The following KIF13A variants were observed in gnomAD, a reference collection of about 807,000 sequenced individuals.
The protein encoded by KIF13A is kinesin family member 13A, also known as kinesin-like protein KIF13A.
Under a neutral mutation model 212.2 loss-of-function variants are expected in KIF13A, and 79 were observed. That is an observed-to-expected ratio of 0.37 (90% confidence interval 0.31 to 0.45). The LOEUF (loss-of-function observed/expected upper bound fraction) is 0.45, where lower values mean the gene tolerates loss of function less well. KIF13A is among the 20% of genes least tolerant of loss of function. KIF13A has a pLI of 1.00. For synonymous variants in KIF13A, 789 were observed against 808.6 expected (o/e 0.98, Z 0.41); for missense variants, 1,901 against 2,209.0 (o/e 0.86, Z 2.79).
At chr6:17,797,968 A>C (rs1762186819) in intron 22 of KIF13A, among the ~76,000 whole-genome samples, 1 of 152,184 alleles carries the variant, frequency 6.6e-6, no homozygotes, top group Non-Finnish European at 1.5e-5. Flanking sequence ...ATGGGTGGCA[A>C]ATCACCCAGA....
chr6:17,760,206 G>A (rs1338695197), downstream of KIF13A: 1 of 152,044 alleles, frequency 6.6e-6, no homozygotes, highest in African/African-American at 2.4e-5. Flanking sequence ...GTTGTCTTAT[G>A]TAAGTTCTTT....
chr6:17,933,124 T>C (rs1000045298), intron 2 of KIF13A, among the ~76,000 whole-genome samples: 3 of 152,162 alleles, frequency 2.0e-5, no homozygotes, highest in Non-Finnish European at 2.9e-5. Flanking sequence ...TTCTCTTCTA[T>C]TAATAATGAA....
Position 17,771,747 on chromosome 6 carries a change from T to C in KIF13A, c.4476+161A>G, listed in dbSNP as rs576342606. On this transcript the variant is annotated intron_variant, in intron 37 of 38. Coordinates refer to ENST00000259711, the MANE Select transcript of KIF13A (RefSeq NM_022113.6). The surrounding 1 kb of genome is among the most constrained non-coding windows in gnomAD (Gnocchi z 5.4). Reference sequence around the variant, plus strand: ...CAACAACAAACAAGAGATTCTACCATGACTCTGCATGCTTGAGAAAGAGGA... The same window carrying C: ...CAACAACAAACAAGAGATTCTACCACGACTCTGCATGCTTGAGAAAGAGGA... 3.1e-5 allele frequency: 19 copies of C among 617,978 alleles called. No individual in the cohort carries two copies. The highest frequency in any genetic ancestry group is 5.2e-5 in the Non-Finnish European group (18 of 348,716). The allele number at this position is 617,978 out of a possible 1,614,324, so 38.3% of individuals were successfully genotyped here.
At chr6:17,858,246 T>C (rs900948374) in intron 4 of KIF13A, among the ~76,000 whole-genome samples, 1 of 152,146 alleles carries the variant, frequency 6.6e-6, no homozygotes, top group African/African-American at 2.4e-5. Flanking sequence ...CCATCTAGCA[T>C]AGATGTTTGG....
At position 17,777,485 on chromosome 6, in the gene KIF13A, G is replaced by C. The variant is rs1760104835; in HGVS notation, c.4093-131C>G. ...TGCAACCTCTGCCTCCTGGGTTCAA[G>C]CAATTCTGCCTCAGTCTCCTGAGTA... On this transcript the variant is annotated intron_variant, in intron 33 of 38. Transcript: ENST00000259711. This position sits in a 1 kb window ranked among gnomAD's most constrained non-coding sequence, Gnocchi z 4.4. 2.7e-6 allele frequency: 2 copies of C among 727,804 alleles called. No individual in the cohort carries two copies. The highest frequency in any genetic ancestry group is 2.8e-5 in the East Asian group (1 of 35,224). The allele number at this position is 727,804 out of a possible 1,614,324, so 45.1% of individuals were successfully genotyped here.
intron 2 of KIF13A, among the ~76,000 whole-genome samples, chr6:17,946,914 A>G (rs1201196919): frequency 1.3e-5 from 2 of 152,248 alleles, no homozygotes; most frequent in Non-Finnish European, 2.9e-5. Flanking sequence ...TCAAGAACAA[A>G]GTTGACTGTG....
chr6:17,843,401 G>A lies in KIF13A; in HGVS notation c.831-5818C>T, dbSNP rs1202300574. Among the ~76,000 whole-genome samples, 1 of 152,210 alleles carries A rather than the reference G, an allele frequency of 6.6e-6. No homozygotes were observed. Among genetic ancestry groups the A allele is most frequent in the Non-Finnish European group, 1.5e-5 (1 of 68,034 alleles). ...CGGGTAGCCATTAAACACAGTTCTG[G>A]CCAAGGAGATGTAGGTAAACATTAC... On this transcript the variant is annotated intron_variant, in intron 9 of 38. Coordinates refer to ENST00000259711, the MANE Select transcript of KIF13A (RefSeq NM_022113.6). The surrounding 1 kb of genome is among the most constrained non-coding windows in gnomAD (Gnocchi z 5.3).
At position 17,942,202 on chromosome 6, in the gene KIF13A, T is replaced by C. The variant is rs34714377; in HGVS notation, c.147-44022A>G. Among the ~76,000 whole-genome samples the C allele has an allele frequency of 2.4e-3, 369 of 152,020 alleles. 1 individual carries two copies. Among genetic ancestry groups the C allele is most frequent in the Admixed American group, 4.3e-3 (65 of 15,254 alleles). The stretch of plus-strand genomic sequence containing the variant: ...CTATAGTCCCAGCTACTCGGGAGGC[T>C]GAGGTAGGAGGATTACTTGAGCCCA... On this transcript the variant is annotated intron_variant, in intron 2 of 38. Coordinates refer to ENST00000259711, the MANE Select transcript of KIF13A (RefSeq NM_022113.6).
intron 2 of KIF13A, among the ~76,000 whole-genome samples, chr6:17,924,980 T>A (rs565163812): frequency 6.6e-6 from 1 of 152,304 alleles, no homozygotes; most frequent in African/African-American, 2.4e-5. Context: ...CAGATGGATA[T>A]AGTCCTAAGA....
At chr6:17,847,389 G>T (rs1054164365) in intron 9 of KIF13A, among the ~76,000 whole-genome samples, 1 of 152,198 alleles carries the variant, frequency 6.6e-6, no homozygotes, top group Non-Finnish European at 1.5e-5. Context: ...ATCAGAGCAG[G>T]AGACAGAATG....
chr6:17,790,066 G>T (rs975882950), intron 25 of KIF13A, among the ~76,000 whole-genome samples, 156 bp from the exon 26 acceptor site: 3 of 152,186 alleles, frequency 2.0e-5, no homozygotes, highest in African/African-American at 7.2e-5. Flanking sequence ...AGGTAAAATG[G>T]ATTTAATTCA....
chr6:17,773,533 T>G lies in KIF13A; in HGVS notation c.4269A>C (p.Gln1423His), dbSNP rs1759674605. ...LDMSDYSSSY[Q>H]DVACYGTLPR... is the part of the protein sequence containing the mutation. ...GTAAAGTTCCATAACATGCTACATC[T>G]TGGTAACTGGAGCTATAGTCAGACA... The change falls in exon 36 of 39, where the codon CAA becomes CAC. Residue 1423 changes from glutamine to histidine, a missense_variant. Physicochemically the swap from Gln to His is conservative, Grantham distance 24 (BLOSUM62 0). Coordinates refer to ENST00000259711, the MANE Select transcript of KIF13A (RefSeq NM_022113.6). The surrounding 1 kb of genome is among the most constrained non-coding windows in gnomAD (Gnocchi z 4.2). 2 of 1,612,336 alleles carry G rather than the reference T, an allele frequency of 1.2e-6. No homozygotes were observed. Among genetic ancestry groups the G allele is most frequent in the Non-Finnish European group, 1.7e-6 (2 of 1,178,718 alleles).
chr6:17,816,914 G>C lies in KIF13A; in HGVS notation c.2000+106C>G, dbSNP rs1764000109. 1.2e-6 allele frequency: 1 copy of C among 801,282 alleles called. No homozygotes were observed. The highest frequency in any genetic ancestry group is 1.7e-5 in the African/African-American group (1 of 57,690). The allele number at this position is 801,282 out of a possible 1,614,324, so 49.6% of individuals were successfully genotyped here. A position where few individuals can be genotyped will look rare whatever the true frequency, so the allele number is the denominator to read the frequency against. ...GGCAATATCACGTATGGGATTAAGAGTTCTCTTGTTGCTAGGTTTGTCCCT... is the reference window on the plus strand; with the variant it reads ...GGCAATATCACGTATGGGATTAAGACTTCTCTTGTTGCTAGGTTTGTCCCT... On this transcript the variant is annotated intron_variant, in intron 17 of 38. Coordinates refer to ENST00000259711, the MANE Select transcript of KIF13A (RefSeq NM_022113.6). This position sits in a 1 kb window ranked among gnomAD's most constrained non-coding sequence, Gnocchi z 4.3.
chr6:17,760,354 T>C (rs1245465582), downstream of KIF13A: 3 of 152,670 alleles, frequency 2.0e-5, no homozygotes, highest in African/African-American at 7.2e-5. Flanking sequence ...CAGTACCTTA[T>C]GATTTTCTAC....
chr6:17,919,570 C>T lies in KIF13A; in HGVS notation c.147-21390G>A, dbSNP rs1341713535. 6.6e-6 allele frequency among the ~76,000 whole-genome samples: 1 copy of T among 152,192 alleles called. No individual in the cohort carries two copies. The highest frequency in any genetic ancestry group is 2.4e-5 in the African/African-American group (1 of 41,436). On this transcript the variant is annotated intron_variant, in intron 2 of 38. Coordinates refer to ENST00000259711, the MANE Select transcript of KIF13A (RefSeq NM_022113.6). This position sits in a 1 kb window ranked among gnomAD's most constrained non-coding sequence, Gnocchi z 4.1. Reference sequence around the variant, plus strand: ...GTGAGTATCAAAAATAGATGTTCTACAGCCCCAAGGGGTCAGCCATGTCTC... The same window carrying T: ...GTGAGTATCAAAAATAGATGTTCTATAGCCCCAAGGGGTCAGCCATGTCTC...
chr6:17,980,279 T>C (rs1780946106), intron 2 of KIF13A, among the ~76,000 whole-genome samples: 1 of 152,138 alleles, frequency 6.6e-6, no homozygotes, highest in African/African-American at 2.4e-5. Flanking sequence ...GGTGAGTAGG[T>C]AGAATTAAGA....
At chr6:17,844,781 A>G (rs1471057879) in intron 9 of KIF13A, among the ~76,000 whole-genome samples, 1 of 152,190 alleles carries the variant, frequency 6.6e-6, no homozygotes, top group Non-Finnish European at 1.5e-5. Context: ...GGACTCCGTA[A>G]TGTACAAGTC....
At position 17,799,256 on chromosome 6, in the gene KIF13A, G is replaced by A. The variant is rs750825301; in HGVS notation, c.2790+10C>T. ...TTCCTACACAGCTCATTTGGTAATG[G>A]CATTTGTACCTTACAGTGGGAGAAG... On this transcript the variant is annotated intron_variant, in intron 22 of 38. Transcript: ENST00000259711. This position sits in a 1 kb window ranked among gnomAD's most constrained non-coding sequence, Gnocchi z 4.4. 1.3e-6 allele frequency: 2 copies of A among 1,555,856 alleles called. No homozygotes were observed. Among genetic ancestry groups the A allele is most frequent in the Non-Finnish European group, 1.7e-6 (2 of 1,149,276 alleles).
chr6:17,805,423 T>A, intron 19 of KIF13A, 52 bp downstream of exon 19: 1 of 1,451,794 alleles, frequency 6.9e-7, no homozygotes, highest in Non-Finnish European at 9.6e-7. Flanking sequence ...AAATCGCTTA[T>A]ATTCTCTGTT....
Sources: allele counts gnomAD v4.1 joint callset (sites outside exome capture counted in the v4.1 genomes callset), GRCh38; gene constraint gnomAD v4.1.1; non-coding constraint Gnocchi (gnomAD v3.1); transcripts MANE v1.5; gene names NCBI Gene and HGNC (gene_info 2026-07-23, HGNC 2026-07-21).